Variants in RAPGEF6 observed in about 807,000 individuals in gnomAD.
The protein encoded by RAPGEF6 is PDZ domain containing guanine nucleotide exchange factor (GEF) 2.
In RAPGEF6, 56 loss-of-function variants were observed where a neutral mutation model predicts 171.4. The ratio of observed to expected loss-of-function variants is 0.33; its 90% CI spans 0.26 to 0.41. RAPGEF6 has a LOEUF of 0.41. Among genes scored for constraint, RAPGEF6 ranks in the 10% least tolerant of loss-of-function variants. The pLI is 1.00. For missense variants in RAPGEF6, 1,674 were observed against 1,921.4 expected, an observed-to-expected ratio of 0.87 and a Z score of 2.41; for synonymous variants, 692 against 650.1, an observed-to-expected ratio of 1.06 and a Z score of -0.98.
intron 1 of RAPGEF6, among the ~76,000 whole-genome samples, chr5:131,621,968 G>A (rs998582394): frequency 2.0e-5 from 3 of 152,106 alleles, no homozygotes; most frequent in African/African-American, 4.8e-5. Context: ...AATTGTCCAT[G>A]TGTTTTGCTA....
At chr5:131,547,869 A>G (rs1461474795) in intron 6 of RAPGEF6, among the ~76,000 whole-genome samples, 178 bp downstream of exon 6, 3 of 152,278 alleles carry the variant, frequency 2.0e-5, no homozygotes, top group African/African-American at 7.2e-5. Context: ...TCCCACTGGT[A>G]AGAGCATTCC....
rs1026256372 is a variant in RAPGEF6, at chr5:131,526,823, C to G, written c.496-5302G>C. Among the ~76,000 whole-genome samples the G allele has an allele frequency of 2.0e-5, 3 of 152,168 alleles. No homozygotes were observed. The South Asian group carries it at 6.2e-4, about 31-fold the overall frequency. ...TGAACTTCTGTGCTCTGCTGGAGAT[C>G]ACATGTCCACAAGGCCTACTGTTAG... is the stretch of plus-strand genomic sequence containing the variant. On this transcript the variant is annotated intron_variant, in intron 6 of 27. Coordinates refer to ENST00000509018, the MANE Select transcript of RAPGEF6 (RefSeq NM_016340.6).
At position 131,603,437 on chromosome 5, in the gene RAPGEF6, A is replaced by T. The variant is rs1344525002; in HGVS notation, c.141-110T>A. 4 of 681,358 alleles carry T rather than the reference A, an allele frequency of 5.9e-6. No individual in the cohort carries two copies. In the East Asian group the frequency reaches 1.2e-4, roughly 20 times the overall value. The allele number at this position is 681,358 out of a possible 1,614,324, so 42.2% of individuals were successfully genotyped here. On this transcript the variant is annotated intron_variant, in intron 2 of 27. Transcript: ENST00000509018. ...TAATTGATTGTTAGAAAATGACCAAATCTACCAGTATGTTGTCACTAAACT... is the reference window on the plus strand; with the variant it reads ...TAATTGATTGTTAGAAAATGACCAATTCTACCAGTATGTTGTCACTAAACT...
chr5:131,468,380 C>G (rs1271853443), intron 17 of RAPGEF6, among the ~76,000 whole-genome samples: 2 of 147,040 alleles, frequency 1.4e-5, no homozygotes, highest in African/African-American at 2.5e-5. Flanking sequence ...GTTTGTATTT[C>G]ATATGTAGAA....
chr5:131,493,042 C>CATTTATTTATTT (rs747528355), intron 13 of RAPGEF6, among the ~76,000 whole-genome samples: 4 of 151,704 alleles, frequency 2.6e-5, no homozygotes, highest in Non-Finnish European at 4.4e-5. Context: ...AATTACCTAT[C>CATTTATTTATTT]ATTTATTTAT....
rs60635058 is a variant in RAPGEF6 at position 131,509,508 on chromosome 5, A to G, written c.805+806T>C. ...CAGTGAGCCAAGATTGCGCCACTGCACTCCAGCCTGGGCGACAGAGTGAGA... is the reference window on the plus strand; with the variant it reads ...CAGTGAGCCAAGATTGCGCCACTGCGCTCCAGCCTGGGCGACAGAGTGAGA... On this transcript the variant is annotated intron_variant, in intron 8 of 27. Coordinates refer to ENST00000509018, the MANE Select transcript of RAPGEF6 (RefSeq NM_016340.6). Among the ~76,000 whole-genome samples the G allele has an allele frequency of 6.4e-3, 976 of 151,924 alleles. 8 individuals are homozygous for G. The highest frequency in any genetic ancestry group is 0.022 in the African/African-American group (914 of 41,326).
intron 20 of RAPGEF6, among the ~76,000 whole-genome samples, chr5:131,455,346 C>T (rs565651519): frequency 2.0e-5 from 3 of 152,302 alleles, no homozygotes; most frequent in African/African-American, 7.2e-5. Flanking sequence ...GTAAGCTCCG[C>T]CTCCCGGGCT....
intron 18 of RAPGEF6, chr5:131,463,591 A>G: frequency 2.8e-6 from 2 of 703,854 alleles, no homozygotes; most frequent in Non-Finnish European, 1.7e-6. Context: ...AAAAAAAAAA[A>G]AAAACCAGAG....
intron 19 of RAPGEF6, among the ~76,000 whole-genome samples, chr5:131,459,584 C>A (rs546934862): frequency 6.6e-6 from 1 of 152,292 alleles, no homozygotes; most frequent in South Asian, 2.1e-4. Flanking sequence ...GTAAACACCA[C>A]ACACTGTTTT....
chr5:131,630,992 C>T (rs925112276), intron 1 of RAPGEF6, among the ~76,000 whole-genome samples: 3 of 152,184 alleles, frequency 2.0e-5, no homozygotes, highest in African/African-American at 7.2e-5. Flanking sequence ...ACCACTCTCT[C>T]GGTTTTTCTC....
At chr5:131,533,169 T>TACACATACAC (rs369175532) in intron 6 of RAPGEF6, 1 of 136,860 alleles carries the variant, frequency 7.3e-6, no homozygotes, top group East Asian at 2.2e-4. Context: ...ATTGAAAACA[T>TACACATACAC]ACACACACAC....
At chr5:131,486,095 G>A (rs530528657) in intron 15 of RAPGEF6, among the ~76,000 whole-genome samples, 12 of 152,354 alleles carry the variant, frequency 7.9e-5, no homozygotes, top group African/African-American at 2.6e-4. Context: ...GTTAGGTACA[G>A]CGCACATCCA....
chr5:131,501,384 T>C (rs7720194), intron 11 of RAPGEF6, among the ~76,000 whole-genome samples: 96,513 of 151,356 alleles, frequency 0.64, 32,517 homozygotes, highest in Non-Finnish European at 0.77. Context: ...GAGCAAAAGA[T>C]GGTTATGATT....
In RAPGEF6 at chr5:131,439,611, G is replaced by C. The variant is rs1382288445; in HGVS notation, c.3715C>G (p.Pro1239Ala). 13 of 1,612,326 alleles carry C rather than the reference G, an allele frequency of 8.1e-6. No individual in the cohort carries two copies. The highest frequency in any genetic ancestry group is 1.1e-5 in the Non-Finnish European group (13 of 1,179,070). The change falls in exon 24 of 28, where the codon CCT (proline) becomes GCT (alanine). Residue 1239 changes from proline to alanine, a missense_variant. Transcript: ENST00000509018. ...SVASSLHSSP[P>A]ASPQGSPHKG... ...TGAGGGGAGCCTTGAGGAGATGCAG[G>C]AGGACTAGAATGTAAAGATGACGCC...
intron 7 of RAPGEF6, among the ~76,000 whole-genome samples, 171 bp downstream of exon 7, chr5:131,521,219 G>A (rs930818179): frequency 4.6e-5 from 7 of 152,074 alleles, no homozygotes; most frequent in Non-Finnish European, 7.4e-5. Context: ...GACAGATCAC[G>A]TCTTTAATCA....
intron 6 of RAPGEF6, among the ~76,000 whole-genome samples, chr5:131,528,221 AAATAATAT>A (rs1188352017): frequency 4.7e-5 from 6 of 127,658 alleles, no homozygotes; most frequent in African/African-American, 1.8e-4. Flanking sequence ...AAATAAAATA[AAATAATAT>A]ATTTATATAT....
At chr5:131,532,430 G>A (rs138899164) in intron 6 of RAPGEF6, among the ~76,000 whole-genome samples, 9 of 152,276 alleles carry the variant, frequency 5.9e-5, no homozygotes, top group Non-Finnish European at 1.2e-4. Flanking sequence ...CAGGCACCTG[G>A]CACAGACATG....
At chr5:131,527,951 C>G (rs899775877) in intron 6 of RAPGEF6, among the ~76,000 whole-genome samples, 2 of 149,132 alleles carry the variant, frequency 1.3e-5, no homozygotes, top group East Asian at 2.0e-4. Context: ...GGAGGCAGAG[C>G]TTGCAGTGAG....
Position 131,442,530 on chromosome 5 carries a change from C to G in RAPGEF6, c.3429G>C (p.Lys1143Asn). 6.2e-7 allele frequency: 1 copy of G among 1,613,786 alleles called. No homozygotes were observed. The highest frequency in any genetic ancestry group is 8.5e-7 in the Non-Finnish European group (1 of 1,179,822). ...TGGCTGATCTTTTCTCACTTAAATT[C>G]TTGGTCACTAACAGGAGAGAGTAAG... is the stretch of plus-strand genomic sequence containing the variant. ...QWEPAYGTLT[K>N]NLSEKRSAKS... The change falls in exon 23 of 28, where the codon AAG (lysine) becomes AAC (asparagine). Residue 1143 changes from lysine (K) to asparagine (N), a missense_variant. Lys to Asn is a moderately conservative substitution (Grantham distance 94). Around this residue, in one of 3 missense-constraint regions of RAPGEF6, gnomAD observed 552 missense variants for 574.2 expected, o/e 0.96. Transcript: ENST00000509018.
Sources: allele counts gnomAD v4.1 joint callset (sites outside exome capture counted in the v4.1 genomes callset), GRCh38; gene constraint gnomAD v4.1.1; regional missense constraint gnomAD v4.1.1; transcripts MANE v1.5; gene names NCBI Gene and HGNC (gene_info 2026-07-23, HGNC 2026-07-21).